Variants in PCDHGA8 observed in about 807,000 individuals in gnomAD.
The protein encoded by PCDHGA8 is protocadherin gamma subfamily A, 8.
Under a neutral mutation model 59.2 loss-of-function variants are expected in PCDHGA8, and 45 were observed. The observed-to-expected ratio is 0.76, with a 90% CI of 0.60 to 0.98. The LOEUF is 0.98. PCDHGA8 is among the 50% of genes least tolerant of loss of function. The probability of loss-of-function intolerance (pLI) is 0.00; values close to 1 mark genes in which losing one functional copy is unlikely to be tolerated. For synonymous variants in PCDHGA8, 531 were observed against 519.0 expected (o/e 1.02, Z -0.32); for missense variants, 1,257 against 1,196.2 (o/e 1.05, Z -0.75).
In PCDHGA8 at chr5:141,393,188, T is replaced by C; in HGVS notation, c.375T>C (p.Asp125=). 6.2e-7 allele frequency: 1 copy of C among 1,613,358 alleles called. No individual in the cohort carries two copies. The highest frequency in any genetic ancestry group is 1.1e-5 in the South Asian group (1 of 91,088). ...TTGGGGTAGAAATAGAAATAATTGA[T>C]ATTAACGATAATAACCCAAAATTCC... ...KLFGVEIEII[D]INDNNPKFQV... The change falls in exon 1 of 4, where the codon GAT becomes GAC. Residue 125 remains aspartate, a synonymous_variant. Coordinates refer to ENST00000398604, the MANE Select transcript of PCDHGA8 (RefSeq NM_032088.2).
In PCDHGA8 at chr5:141,509,341, G is replaced by C. The variant is rs552337350; in HGVS notation, c.2573-1606G>C. Among the ~76,000 whole-genome samples, 4 of 152,290 alleles carry C rather than the reference G, an allele frequency of 2.6e-5. No homozygotes were observed. The East Asian group carries it at 7.7e-4, about 29-fold the overall frequency. On this transcript the variant is annotated intron_variant, in intron 3 of 3. Transcript: ENST00000398604. ...GAAGCTCTACTGCCAGCTGGGCCTG[G>C]GCTGGCCTGGGCATCCCTGAGGTTT...
At chr5:141,402,737 G>C (rs948478466) in intron 1 of PCDHGA8, among the ~76,000 whole-genome samples, 7 of 152,158 alleles carry the variant, frequency 4.6e-5, no homozygotes, top group African/African-American at 1.4e-4. Flanking sequence ...CGCCGCTGTT[G>C]ATCAACTCTA....
rs2099627530 is a variant in PCDHGA8, at chr5:141,486,292, T to C, written c.2425-8515T>C. On this transcript the variant is annotated intron_variant, in intron 1 of 3. Transcript: ENST00000398604. This position sits in a 1 kb window ranked among gnomAD's most constrained non-coding sequence, Gnocchi z 5.0. ...CTGGCACTGTGGTGGCACTTATCAGTGTGCAGGATCCAGACTCAGGGTCAA... is the reference window on the plus strand; with the variant it reads ...CTGGCACTGTGGTGGCACTTATCAGCGTGCAGGATCCAGACTCAGGGTCAA... 5 of 1,613,970 alleles carry C rather than the reference T, an allele frequency of 3.1e-6. No individual in the cohort carries two copies. The highest frequency in any genetic ancestry group is 4.2e-6 in the Non-Finnish European group (5 of 1,179,982).
Position 141,491,676 on chromosome 5 carries a change from T to C in PCDHGA8, c.2425-3131T>C. On this transcript the variant is annotated intron_variant, in intron 1 of 3. Coordinates refer to ENST00000398604, the MANE Select transcript of PCDHGA8 (RefSeq NM_032088.2). The surrounding 1 kb of genome is among the most constrained non-coding windows in gnomAD (Gnocchi z 6.9). ...AGCCTGACGCCATCCGGTCCCGCTC[T>C]AATACGCTGCGGGAGCGGAGCCAGG... 3.1e-6 allele frequency: 5 copies of C among 1,613,546 alleles called. No individual in the cohort carries two copies. Among genetic ancestry groups the C allele is most frequent in the Non-Finnish European group, 4.2e-6 (5 of 1,179,848 alleles).
In PCDHGA8 at chr5:141,487,774, C is replaced by T. The variant is rs1272776899; in HGVS notation, c.2425-7033C>T. 2.0e-6 allele frequency: 3 copies of T among 1,534,064 alleles called. 1 individual carries two copies. The highest frequency in any genetic ancestry group is 2.6e-6 in the Non-Finnish European group (3 of 1,135,588). On this transcript the variant is annotated intron_variant, in intron 1 of 3. Transcript: ENST00000398604. The surrounding 1 kb of genome is among the most constrained non-coding windows in gnomAD (Gnocchi z 5.0). Reference sequence around the variant, plus strand: ...ATGTGGTAGACGCTGTGCTTTGTAACTGTTTCGTGAATTAACCAGAGTTGT... The same window carrying T: ...ATGTGGTAGACGCTGTGCTTTGTAATTGTTTCGTGAATTAACCAGAGTTGT...
intron 1 of PCDHGA8, chr5:141,428,368 C>A (rs1403173774): frequency 1.3e-5 from 7 of 544,884 alleles, no homozygotes; most frequent in Non-Finnish European, 2.4e-5. Flanking sequence ...GGTCGCCTTG[C>A]ACCTGCGATG....
intron 1 of PCDHGA8, chr5:141,415,955 G>A: frequency 8.5e-6 from 4 of 472,662 alleles, no homozygotes; most frequent in Non-Finnish European, 1.3e-5. Context: ...GTCACATATT[G>A]AAACTCCAGC....
At position 141,476,140 on chromosome 5, in the gene PCDHGA8, C is replaced by A. The variant is rs1410430310; in HGVS notation, c.2425-18667C>A. On this transcript the variant is annotated intron_variant, in intron 1 of 3. Coordinates refer to ENST00000398604, the MANE Select transcript of PCDHGA8 (RefSeq NM_032088.2). The surrounding 1 kb of genome is among the most constrained non-coding windows in gnomAD (Gnocchi z 7.6). ...AGATGGTCCCAGAGGCCTGGAGGAG[C>A]GGACTGGTAAGCACCGGGAGGGTAG... 6 of 1,609,222 alleles carry A rather than the reference C, an allele frequency of 3.7e-6. No homozygotes were observed. The highest frequency in any genetic ancestry group is 5.1e-6 in the Non-Finnish European group (6 of 1,178,484).
rs1393235114 is a variant in PCDHGA8, at chr5:141,476,581, G to T, written c.2425-18226G>T. ...CCGTGGCTCCGGGGACGCGCTTTCC[G>T]CTCGAGAGCGCGCACGATCCCGATG... On this transcript the variant is annotated intron_variant, in intron 1 of 3. Transcript: ENST00000398604. This position sits in a 1 kb window ranked among gnomAD's most constrained non-coding sequence, Gnocchi z 7.6. 8.7e-6 allele frequency: 14 copies of T among 1,614,112 alleles called. No homozygotes were observed. The Admixed American group carries it at 2.2e-4, about 25-fold the overall frequency.
intron 1 of PCDHGA8, chr5:141,427,971 C>A (rs764145525): frequency 1.3e-6 from 2 of 1,593,630 alleles, no homozygotes; most frequent in Non-Finnish European, 1.7e-6. Flanking sequence ...GGTGCTGTAC[C>A]CCGCGCTGGG....
At chr5:141,467,768 C>T (rs2099151160) in intron 1 of PCDHGA8, among the ~76,000 whole-genome samples, 2 of 151,794 alleles carry the variant, frequency 1.3e-5, no homozygotes, top group African/African-American at 2.4e-5. Flanking sequence ...CTCAAGTGCC[C>T]GCACCTCAGC....
chr5:141,409,644 TG>T, intron 1 of PCDHGA8: 1 of 1,613,700 alleles, frequency 6.2e-7, no homozygotes, highest in Non-Finnish European at 8.5e-7. Flanking sequence ...GACCCGGATT[TG>T]GGGCTCAATG....
chr5:141,409,647 G>A, intron 1 of PCDHGA8: 2 of 1,613,668 alleles, frequency 1.2e-6, no homozygotes, highest in Non-Finnish European at 1.7e-6. Context: ...CCGGATTTGG[G>A]GCTCAATGGC....
At position 141,393,568 on chromosome 5, in the gene PCDHGA8, T is replaced by G. The variant is rs549396721; in HGVS notation, c.755T>G (p.Leu252Arg). 2 of 1,613,904 alleles carry G rather than the reference T, an allele frequency of 1.2e-6. No individual in the cohort carries two copies. The highest frequency in any genetic ancestry group is 2.7e-5 in the African/African-American group (2 of 75,032). The change falls in exon 1 of 4, where the codon CTT becomes CGT. Residue 252 changes from leucine (L) to arginine (R), a missense_variant. Coordinates refer to ENST00000398604, the MANE Select transcript of PCDHGA8 (RefSeq NM_032088.2). Reference protein sequence around the residue: ...FPHPIYRVKVLENMPPGTRLL... With the variant: ...FPHPIYRVKVRENMPPGTRLL... ...CACCCGATTTACCGAGTGAAAGTCC[T>G]TGAGAACATGCCCCCAGGCACGCGG...
intron 1 of PCDHGA8, among the ~76,000 whole-genome samples, chr5:141,448,871 G>A (rs1326162054): frequency 6.6e-6 from 1 of 152,148 alleles, no homozygotes; most frequent in Non-Finnish European, 1.5e-5. Flanking sequence ...CGTGAACCTG[G>A]GAGGCGGAGC....
At position 141,476,602 on chromosome 5, in the gene PCDHGA8, C is replaced by T; in HGVS notation, c.2425-18205C>T. 6.2e-7 allele frequency: 1 copy of T among 1,614,208 alleles called. No homozygotes were observed. Among genetic ancestry groups the T allele is most frequent in the Middle Eastern group, 1.6e-4 (1 of 6,062 alleles). Reference sequence around the variant, plus strand: ...TTCCGCTCGAGAGCGCGCACGATCCCGATGTGGGAAGCAACTCTTTACAAA... The same window carrying T: ...TTCCGCTCGAGAGCGCGCACGATCCTGATGTGGGAAGCAACTCTTTACAAA... On this transcript the variant is annotated intron_variant, in intron 1 of 3. Coordinates refer to ENST00000398604, the MANE Select transcript of PCDHGA8 (RefSeq NM_032088.2). The surrounding 1 kb of genome is among the most constrained non-coding windows in gnomAD (Gnocchi z 7.6).
chr5:141,483,509 C>A (rs2099582178), intron 1 of PCDHGA8, among the ~76,000 whole-genome samples: 1 of 147,450 alleles, frequency 6.8e-6, no homozygotes, highest in African/African-American at 2.5e-5. Flanking sequence ...AGGCTGATCC[C>A]CCTAGATCCT....
At chr5:141,460,134 T>TCAAAGA in intron 1 of PCDHGA8, among the ~76,000 whole-genome samples, 1 of 152,066 alleles carries the variant, frequency 6.6e-6, no homozygotes, top group South Asian at 2.1e-4. Flanking sequence ...AATATATATA[T>TCAAAGA]TCTTGATGTG....
intron 1 of PCDHGA8, chr5:141,441,260 A>G (rs1217151195): frequency 1.3e-5 from 2 of 152,222 alleles, no homozygotes; most frequent in Non-Finnish European, 2.9e-5. Context: ...AAATCACAAG[A>G]TCTGGATTCG....
Sources: allele counts gnomAD v4.1 joint callset (sites outside exome capture counted in the v4.1 genomes callset), GRCh38; gene constraint gnomAD v4.1.1; non-coding constraint Gnocchi (gnomAD v3.1); transcripts MANE v1.5; gene names NCBI Gene and HGNC (gene_info 2026-07-23, HGNC 2026-07-21).